The following INPP5A variants were observed in gnomAD, a reference collection of about 807,000 sequenced individuals.
The protein encoded by INPP5A is 43 kDa inositol polyphosphate 5-phophatase.
INPP5A carries 14 observed loss-of-function variants against 65.2 expected under a neutral mutation model. That is an observed-to-expected ratio of 0.21 (90% CI 0.14 to 0.34). INPP5A has a LOEUF of 0.34. Ranked by LOEUF, INPP5A falls within the 10% of genes least tolerant of loss-of-function variation. The pLI is 1.00. For synonymous variants in INPP5A, 207 were observed against 208.3 expected (o/e 0.99, Z 0.05); for missense variants, 431 against 545.6 (o/e 0.79, Z 2.09).
rs185478171 is a variant in INPP5A, at chr10:132,558,078, G to A, written c.75+19907G>A. Among the ~76,000 whole-genome samples, 58 of 152,324 alleles carry A rather than the reference G, an allele frequency of 3.8e-4. No homozygotes were observed. In the East Asian group the frequency reaches 9.1e-3, roughly 24 times the overall value. ...GCTGTAGAACCTAAACATGGCCACC[G>A]TGTCTTCTTAACTGGTAGTAAAAGC... On this transcript the variant is annotated intron_variant, in intron 1 of 15. Transcript: ENST00000368594.
intron 4 of INPP5A, among the ~76,000 whole-genome samples, chr10:132,654,829 G>A (rs1374882744): frequency 2.6e-5 from 4 of 152,354 alleles, no homozygotes; most frequent in South Asian, 2.1e-4. Flanking sequence ...TGCGCCTGGC[G>A]CGTGAGCCTG....
At chr10:132,594,956 C>T (rs1405424393) in intron 1 of INPP5A, among the ~76,000 whole-genome samples, 1 of 152,146 alleles carries the variant, frequency 6.6e-6, no homozygotes, top group African/African-American at 2.4e-5. Context: ...TTCCTAAAGC[C>T]TTTAAAATTA....
At chr10:132,739,059 T>G (rs765621115) in intron 9 of INPP5A, among the ~76,000 whole-genome samples, 10 of 152,170 alleles carry the variant, frequency 6.6e-5, no homozygotes, top group Non-Finnish European at 1.0e-4. Context: ...GCGAAGTGTC[T>G]GAGGGCCCGC....
intron 1 of INPP5A, among the ~76,000 whole-genome samples, chr10:132,592,782 C>T (rs2071634768): frequency 6.6e-6 from 1 of 152,234 alleles, no homozygotes; most frequent in Admixed American, 6.5e-5. Flanking sequence ...ACACGCAGGA[C>T]TTTCTGTGCT....
rs936518691 is a variant in INPP5A at position 132,663,106 on chromosome 10, C to T, written c.306+12601C>T. Among the ~76,000 whole-genome samples, 2 of 152,222 alleles carry T rather than the reference C, an allele frequency of 1.3e-5. No homozygotes were observed. The highest frequency in any genetic ancestry group is 2.4e-5 in the African/African-American group (1 of 41,444). ...ACGGACTGTGCACACCACTGTGTGT[C>T]TCACAACTCAGGCAACTCGGCACGC... On this transcript the variant is annotated intron_variant, in intron 4 of 15. Transcript: ENST00000368594. The surrounding 1 kb of genome is among the most constrained non-coding windows in gnomAD (Gnocchi z 4.5).
rs1845523533 is a variant in INPP5A at position 132,705,468 on chromosome 10, G to A, written c.475-2845G>A. Among the ~76,000 whole-genome samples the A allele has an allele frequency of 6.6e-6, 1 of 152,236 alleles. No individual in the cohort carries two copies. The highest frequency in any genetic ancestry group is 2.1e-4 in the South Asian group (1 of 4,838). Reference sequence around the variant, plus strand: ...GCAGGGCAGCCTGAGCACAGCAGGGGATGTGGGCTCAGTACCAGAGCCAGC... The same window carrying A: ...GCAGGGCAGCCTGAGCACAGCAGGGAATGTGGGCTCAGTACCAGAGCCAGC... On this transcript the variant is annotated intron_variant, in intron 6 of 15. Coordinates refer to ENST00000368594, the MANE Select transcript of INPP5A (RefSeq NM_005539.5). This position sits in a 1 kb window ranked among gnomAD's most constrained non-coding sequence, Gnocchi z 4.9.
At position 132,762,451 on chromosome 10, in the gene INPP5A, C is replaced by T. The variant is rs1159300218; in HGVS notation, c.904-3322C>T. Among the ~76,000 whole-genome samples the T allele has an allele frequency of 6.6e-6, 1 of 152,132 alleles. No homozygotes were observed. Among genetic ancestry groups the T allele is most frequent in the Admixed American group, 6.5e-5 (1 of 15,268 alleles). Reference sequence around the variant, plus strand: ...ACCAGGAGAAGTGGAGGCGTTCAGTCAAAGAGCTGGTGGAAAACCCCACCC... The same window carrying T: ...ACCAGGAGAAGTGGAGGCGTTCAGTTAAAGAGCTGGTGGAAAACCCCACCC... On this transcript the variant is annotated intron_variant, in intron 11 of 15. Transcript: ENST00000368594. The surrounding 1 kb of genome is among the most constrained non-coding windows in gnomAD (Gnocchi z 4.6).
At chr10:132,677,602 C>G (rs997033334) in intron 4 of INPP5A, among the ~76,000 whole-genome samples, 7 of 152,242 alleles carry the variant, frequency 4.6e-5, no homozygotes, top group African/African-American at 1.7e-4. Context: ...CTGCCGCAGG[C>G]TGTTTTACAG....
At chr10:132,686,308 C>T (rs2073113163) in intron 4 of INPP5A, among the ~76,000 whole-genome samples, 1 of 152,270 alleles carries the variant, frequency 6.6e-6, no homozygotes, top group Non-Finnish European at 1.5e-5. Context: ...CAGCTAATGG[C>T]TGCATTTCAC....
chr10:132,710,303 C>T (rs1266116860), intron 7 of INPP5A, 34 bp from the exon 8 acceptor site: 3 of 1,609,692 alleles, frequency 1.9e-6, no homozygotes, highest in South Asian at 1.1e-5. Flanking sequence ...GGCTCCGGCC[C>T]TTGGTGACGT....
chr10:132,551,008 G>A lies in INPP5A; in HGVS notation c.75+12837G>A, dbSNP rs180712376. Among the ~76,000 whole-genome samples the A allele has an allele frequency of 1.3e-5, 2 of 152,326 alleles. No homozygotes were observed. Among genetic ancestry groups the A allele is most frequent in the East Asian group, 1.9e-4 (1 of 5,188 alleles). On this transcript the variant is annotated intron_variant, in intron 1 of 15. Transcript: ENST00000368594. This position sits in a 1 kb window ranked among gnomAD's most constrained non-coding sequence, Gnocchi z 5.3. ...CCTGGAAAGGGGTCCACCTGAAAGG[G>A]GCTGCACTGTGGTCCATTTGGGCCA... is the stretch of plus-strand genomic sequence containing the variant.
chr10:132,629,139 G>A (rs567049165), intron 2 of INPP5A, among the ~76,000 whole-genome samples: 2 of 152,300 alleles, frequency 1.3e-5, no homozygotes, highest in South Asian at 4.1e-4. Flanking sequence ...CCGAGGGTGG[G>A]TCCATTTGGC....
chr10:132,538,247 C>A lies in INPP5A; in HGVS notation c.75+76C>A. On this transcript the variant is annotated intron_variant, in intron 1 of 15. Coordinates refer to ENST00000368594, the MANE Select transcript of INPP5A (RefSeq NM_005539.5). This position sits in a 1 kb window ranked among gnomAD's most constrained non-coding sequence, Gnocchi z 4.1. The stretch of plus-strand genomic sequence containing the variant: ...GACCCCGGGGTCCCGAACTGCAAGC[C>A]TTGGACCCTGGACCGTGAACCTCCA... 1 of 876,110 alleles carries A rather than the reference C, an allele frequency of 1.1e-6. No individual in the cohort carries two copies. Among genetic ancestry groups the A allele is most frequent in the Non-Finnish European group, 1.5e-6 (1 of 670,868 alleles). The allele number at this position is 876,110 out of a possible 1,614,324, so 54.3% of individuals were successfully genotyped here. A position where few individuals can be genotyped will look rare whatever the true frequency, so the allele number is the denominator to read the frequency against.
At position 132,621,176 on chromosome 10, in the gene INPP5A, T is replaced by G. The variant is rs370631427; in HGVS notation, c.117+13220T>G. The stretch of plus-strand genomic sequence containing the variant: ...CCCACAGCTCATGCCACACTTAAAC[T>G]GTGATAGAGGAAGTGCTTATTTACC... On this transcript the variant is annotated intron_variant, in intron 2 of 15. Coordinates refer to ENST00000368594, the MANE Select transcript of INPP5A (RefSeq NM_005539.5). Among the ~76,000 whole-genome samples the G allele has an allele frequency of 3.3e-4, 50 of 152,266 alleles. No individual in the cohort carries two copies. In the South Asian group the frequency reaches 7.5e-3, roughly 23 times the overall value.
rs953310406 is a variant in INPP5A, at chr10:132,663,095, C to A, written c.306+12590C>A. On this transcript the variant is annotated intron_variant, in intron 4 of 15. Coordinates refer to ENST00000368594, the MANE Select transcript of INPP5A (RefSeq NM_005539.5). The surrounding 1 kb of genome is among the most constrained non-coding windows in gnomAD (Gnocchi z 4.5). The stretch of plus-strand genomic sequence containing the variant: ...TGGCCCCTCGAACGGACTGTGCACA[C>A]CACTGTGTGTCTCACAACTCAGGCA... Among the ~76,000 whole-genome samples, 58 of 152,218 alleles carry A rather than the reference C, an allele frequency of 3.8e-4. No individual in the cohort carries two copies. The highest frequency in any genetic ancestry group is 3.1e-3 in the Admixed American group (48 of 15,280).
intron 8 of INPP5A, among the ~76,000 whole-genome samples, chr10:132,719,534 G>T (rs1176036822): frequency 6.7e-6 from 1 of 150,308 alleles, no homozygotes; most frequent in Non-Finnish European, 1.5e-5. Flanking sequence ...CTGTCTTGCG[G>T]GTTCTGTGGT....
At chr10:132,757,349 T>C (rs7921968) in intron 11 of INPP5A, among the ~76,000 whole-genome samples, 151,306 of 152,364 alleles carry the variant, frequency 0.99, 75,131 homozygotes, top group Middle Eastern at 1. Context: ...TCCGCAGAGG[T>C]GCACGCTTTT....
At chr10:132,680,654 T>C (rs1006052081) in intron 4 of INPP5A, among the ~76,000 whole-genome samples, 7 of 152,018 alleles carry the variant, frequency 4.6e-5, no homozygotes, top group Non-Finnish European at 1.0e-4. Flanking sequence ...TGTAGGGAGG[T>C]GTGGAGGGAG....
chr10:132,775,313 G>A (rs1479432733), intron 12 of INPP5A, among the ~76,000 whole-genome samples: 5 of 151,924 alleles, frequency 3.3e-5, no homozygotes, highest in South Asian at 2.1e-4. Flanking sequence ...GCGCAGGTGC[G>A]CCCCTGTCCT....
Sources: allele counts gnomAD v4.1 joint callset (sites outside exome capture counted in the v4.1 genomes callset), GRCh38; gene constraint gnomAD v4.1.1; non-coding constraint Gnocchi (gnomAD v3.1); transcripts MANE v1.5; gene names NCBI Gene and HGNC (gene_info 2026-07-23, HGNC 2026-07-21).